Variants in UVRAG observed in about 807,000 individuals in gnomAD.
The protein encoded by UVRAG is UV radiation resistance-associated gene protein.
In UVRAG, 19 loss-of-function variants were observed where a neutral mutation model predicts 78.0. The ratio of observed to expected loss-of-function variants is 0.24; its 90% CI spans 0.17 to 0.36. The LOEUF is 0.36. UVRAG is among the 10% of genes least tolerant of loss of function. UVRAG has a pLI of 1.00. For synonymous variants in UVRAG, 323 were observed against 324.6 expected (o/e 1.00, Z 0.05); for missense variants, 740 against 853.8 (o/e 0.87, Z 1.66).
chr11:75,858,793 TA>T (rs1164892463), intron 2 of UVRAG, among the ~76,000 whole-genome samples: 3 of 152,162 alleles, frequency 2.0e-5, no homozygotes, highest in Admixed American at 6.5e-5. Flanking sequence ...AGGTGAAAAA[TA>T]ATTTTGCAGT....
chr11:75,933,770 CAG>C (rs1273867036), intron 6 of UVRAG, among the ~76,000 whole-genome samples: 2 of 152,182 alleles, frequency 1.3e-5, no homozygotes, highest in African/African-American at 4.8e-5. Context: ...CACTGATCAT[CAG>C]AGAAATGCAG....
chr11:75,887,036 G>A (rs1172929807), intron 4 of UVRAG, among the ~76,000 whole-genome samples: 3 of 151,606 alleles, frequency 2.0e-5, no homozygotes, highest in African/African-American at 7.3e-5. Context: ...CGTGATCTCG[G>A]CTCACTGCAA....
At chr11:75,825,998 G>A (rs528109847) in intron 1 of UVRAG, among the ~76,000 whole-genome samples, 29 of 151,612 alleles carry the variant, frequency 1.9e-4, no homozygotes, top group Non-Finnish European at 2.7e-4. Context: ...CAGCACGCTC[G>A]GCTAATTTTT....
intron 1 of UVRAG, among the ~76,000 whole-genome samples, chr11:75,847,721 C>T (rs959041857): frequency 2.0e-5 from 3 of 152,062 alleles, no homozygotes; most frequent in Admixed American, 1.3e-4. Context: ...CCTGTAATCC[C>T]AGCACTTTTG....
chr11:76,008,391 G>A (rs1949990497), intron 10 of UVRAG, among the ~76,000 whole-genome samples: 1 of 151,986 alleles, frequency 6.6e-6, no homozygotes, highest in Non-Finnish European at 1.5e-5. Context: ...AAATTGATTA[G>A]GATTATTTTT....
At chr11:75,856,545 G>A (rs965172498) in intron 2 of UVRAG, among the ~76,000 whole-genome samples, 1 of 151,994 alleles carries the variant, frequency 6.6e-6, no homozygotes, top group Non-Finnish European at 1.5e-5. Context: ...TTTGGGCTCA[G>A]GTGATTCTCC....
At chr11:75,815,590 C>A in intron 1 of UVRAG, 66 bp downstream of exon 1, 1 of 1,058,136 alleles carries the variant, frequency 9.5e-7, no homozygotes, top group Non-Finnish European at 1.2e-6. Context: ...AGCTTGCTGG[C>A]TCCGGGCTGA....
intron 7 of UVRAG, among the ~76,000 whole-genome samples, chr11:75,962,846 A>G (rs1047333656): frequency 6.6e-6 from 1 of 152,162 alleles, no homozygotes; most frequent in African/African-American, 2.4e-5. Flanking sequence ...ATTAAATGAC[A>G]GCATATGCTT....
At position 75,879,977 on chromosome 11, in the gene UVRAG, C is replaced by T. The variant is rs751183370; in HGVS notation, c.369C>T (p.Asn123=). The stretch of plus-strand genomic sequence containing the variant: ...TGAAGATATGGGGTGGAAAGGAGAA[C>T]ATCTACCAGCTGTTGATTGAATGGA... The part of the protein sequence containing the change: ...FVVKIWGGKE[N]IYQLLIEWKV... Residue 123 remains asparagine, a synonymous_variant, in exon 4 of 15, where the codon AAC becomes AAT. Transcript: ENST00000356136. 3 of 1,614,036 alleles carry T rather than the reference C, an allele frequency of 1.9e-6. No homozygotes were observed. The East Asian group carries it at 6.7e-5, about 36-fold the overall frequency.
chr11:75,919,488 CTT>C (rs1947928601), intron 6 of UVRAG, among the ~76,000 whole-genome samples: 1 of 150,980 alleles, frequency 6.6e-6, no homozygotes, highest in South Asian at 2.1e-4. Flanking sequence ...CTGTTATACT[CTT>C]TGATTCTGGA....
intron 8 of UVRAG, among the ~76,000 whole-genome samples, chr11:75,984,457 C>A (rs919175443): frequency 3.3e-5 from 5 of 152,144 alleles, no homozygotes; most frequent in Non-Finnish European, 5.9e-5. Context: ...GTTTCATGAT[C>A]AGTAGGTTAG....
chr11:76,087,993 C>G (rs2134421905), intron 13 of UVRAG, among the ~76,000 whole-genome samples: 1 of 152,290 alleles, frequency 6.6e-6, no homozygotes, highest in Admixed American at 6.5e-5. Context: ...TTCCCAGTAG[C>G]TCCCTGGGGT....
intron 7 of UVRAG, among the ~76,000 whole-genome samples, chr11:75,962,901 A>G (rs1948935946): frequency 6.6e-6 from 1 of 152,180 alleles, no homozygotes; most frequent in Non-Finnish European, 1.5e-5. Context: ...TTTTTAAAGG[A>G]ATATAAGTGG....
intron 7 of UVRAG, among the ~76,000 whole-genome samples, chr11:75,967,548 A>C (rs1293498280): frequency 6.6e-6 from 1 of 152,192 alleles, no homozygotes; most frequent in African/African-American, 2.4e-5. Context: ...GTGAAGATAA[A>C]ATATACCCTA....
intron 12 of UVRAG, among the ~76,000 whole-genome samples, chr11:76,043,646 T>G (rs1950693279): frequency 6.6e-6 from 1 of 152,230 alleles, no homozygotes; most frequent in South Asian, 2.1e-4. Context: ...TTTCCATCAT[T>G]TAGCTAAGTA....
intron 5 of UVRAG, among the ~76,000 whole-genome samples, chr11:75,902,346 G>A (rs61892930): frequency 0.023 from 3,489 of 152,186 alleles, 56 homozygotes; most frequent in Non-Finnish European, 0.035. Context: ...CATAAGGAAC[G>A]CACAACCTAG....
At position 76,143,045 on chromosome 11, in the gene UVRAG, G is replaced by T. The variant is rs1952750271; in HGVS notation, c.*1632G>T. ...AGAAGCCCATCTTCCTCCACATGAA[G>T]AAGTGGGGCTCCTTCACCTAGAGCA... On this transcript the variant is annotated 3_prime_UTR_variant, in exon 15 of 15. Coordinates refer to ENST00000356136, the MANE Select transcript of UVRAG (RefSeq NM_003369.4). 6.6e-6 allele frequency: 1 copy of T among 152,374 alleles called. No homozygotes were observed. Among genetic ancestry groups the T allele is most frequent in the Admixed American group, 6.5e-5 (1 of 15,306 alleles). 9.4% of individuals were successfully genotyped at this position (152,374 alleles called of 1,614,324 possible).
At chr11:75,869,896 TAATA>T (rs1253767014) in intron 3 of UVRAG, among the ~76,000 whole-genome samples, 48 of 152,340 alleles carry the variant, frequency 3.2e-4, no homozygotes, top group Non-Finnish European at 1.0e-4. Flanking sequence ...CAAGCAACAG[TAATA>T]AATAATGGTT....
At chr11:76,040,663 C>T (rs745752194) in intron 12 of UVRAG, among the ~76,000 whole-genome samples, 2 of 152,002 alleles carry the variant, frequency 1.3e-5, no homozygotes, top group South Asian at 2.1e-4. Flanking sequence ...TCAAGCAATT[C>T]TCGTGCCTCA....
Sources: gnomAD v4.1 joint callset for allele counts (sites outside exome capture counted in the v4.1 genomes callset) on GRCh38, gnomAD v4.1.1 for gene constraint, MANE v1.5 for transcripts, NCBI Gene and HGNC (gene_info 2026-07-23, HGNC 2026-07-21) for gene names.